SIPA1L1: variants seen among roughly 807,000 people sequenced by gnomAD.
SIPA1L1 encodes the protein signal induced proliferation associated 1 like 1, also known as signal-induced proliferation-associated 1-like protein 1.
A neutral mutation model predicts 162.7 loss-of-function variants in SIPA1L1; 26 were observed. That is an observed-to-expected ratio of 0.16 (90% CI 0.12 to 0.22). The LOEUF is 0.22. SIPA1L1 is among the 10% of genes least tolerant of loss of function. The pLI, the probability that SIPA1L1 is intolerant of heterozygous loss-of-function variation, is 1.00. For missense variants in SIPA1L1, 1,874 were observed against 2,241.0 expected, an observed-to-expected ratio of 0.84 and a Z score of 3.31; for synonymous variants, 829 against 837.4, an observed-to-expected ratio of 0.99 and a Z score of 0.17.
chr14:71,480,129 C>G (rs369434239), intron 2 of SIPA1L1, among the ~76,000 whole-genome samples: 2 of 151,254 alleles, frequency 1.3e-5, no homozygotes, highest in South Asian at 4.2e-4. Flanking sequence ...GTTGCCCAGG[C>G]TGGAGTGCAG....
At chr14:71,378,355 C>T (rs759567026) in intron 2 of SIPA1L1, among the ~76,000 whole-genome samples, 2 of 152,020 alleles carry the variant, frequency 1.3e-5, no homozygotes, top group Non-Finnish European at 2.9e-5. Flanking sequence ...TAAAATAAGA[C>T]ATGTTTTCTA....
intron 3 of SIPA1L1, among the ~76,000 whole-genome samples, chr14:71,519,469 C>A (rs1219369749): frequency 1.3e-5 from 2 of 152,184 alleles, no homozygotes; most frequent in African/African-American, 4.8e-5. Flanking sequence ...AAATACAATT[C>A]TCTAATAAAA....
intron 3 of SIPA1L1, among the ~76,000 whole-genome samples, chr14:71,516,128 T>C (rs1007068224): frequency 3.3e-5 from 5 of 152,214 alleles, no homozygotes; most frequent in African/African-American, 1.2e-4. Context: ...CAGGTCAGCT[T>C]GGCAATGGTG....
intron 5 of SIPA1L1, among the ~76,000 whole-genome samples, chr14:71,609,673 G>A (rs1430682184): frequency 1.3e-5 from 2 of 151,886 alleles, no homozygotes; most frequent in African/African-American, 4.8e-5. Context: ...CACCATGTTG[G>A]CCAGGATGGT....
At chr14:71,407,226 G>A (rs966293362) in intron 2 of SIPA1L1, among the ~76,000 whole-genome samples, 1 of 152,116 alleles carries the variant, frequency 6.6e-6, no homozygotes, top group South Asian at 2.1e-4. Context: ...CACCTTGTAC[G>A]ATTGTGTGTT....
intron 8 of SIPA1L1, among the ~76,000 whole-genome samples, chr14:71,653,610 T>A (rs1486910931): frequency 6.6e-6 from 1 of 152,144 alleles, no homozygotes; most frequent in African/African-American, 2.4e-5. Context: ...TTCTGTATTC[T>A]TTTTTCTCAA....
intron 4 of SIPA1L1, among the ~76,000 whole-genome samples, chr14:71,547,610 T>C (rs1424166939): frequency 6.6e-6 from 1 of 152,082 alleles, no homozygotes; most frequent in African/African-American, 2.4e-5. Flanking sequence ...TAGTTTTGGA[T>C]TGTATTAATT....
intron 4 of SIPA1L1, among the ~76,000 whole-genome samples, chr14:71,546,015 C>G (rs1487810163): frequency 6.6e-6 from 1 of 151,772 alleles, no homozygotes; most frequent in Admixed American, 6.6e-5. Context: ...CCCAGGAGTT[C>G]GAGGCTGCAG....
At chr14:71,602,313 A>G (rs1272062421) in intron 5 of SIPA1L1, among the ~76,000 whole-genome samples, 2 of 151,890 alleles carry the variant, frequency 1.3e-5, no homozygotes, top group Non-Finnish European at 2.9e-5. Flanking sequence ...TTCTTCTTTG[A>G]CCCAGTGGTC....
At chr14:71,719,584 CCCAGGTT>C (rs2083535223) in intron 17 of SIPA1L1, among the ~76,000 whole-genome samples, 1 of 152,182 alleles carries the variant, frequency 6.6e-6, no homozygotes, top group Non-Finnish European at 1.5e-5. Context: ...ACTTCCACCT[CCCAGGTT>C]CAAACAGTTC....
intron 4 of SIPA1L1, among the ~76,000 whole-genome samples, chr14:71,541,773 T>A (rs906090161): frequency 2.0e-5 from 3 of 152,148 alleles, no homozygotes; most frequent in African/African-American, 2.4e-5. Context: ...ACTCTGTCTC[T>A]GACAACAGCA....
intron 2 of SIPA1L1, among the ~76,000 whole-genome samples, chr14:71,361,364 A>G (rs564608304): frequency 2.6e-5 from 4 of 152,210 alleles, no homozygotes; most frequent in African/African-American, 9.6e-5. Flanking sequence ...CTACAAGCTT[A>G]TGGTCTGTAT....
At chr14:71,521,188 A>G (rs2052318765) in intron 3 of SIPA1L1, among the ~76,000 whole-genome samples, 1 of 152,248 alleles carries the variant, frequency 6.6e-6, no homozygotes, top group Non-Finnish European at 1.5e-5. Context: ...GGCTAGGTAC[A>G]TGGCTGACAT....
chr14:71,710,538 T>G (rs2082792410), intron 17 of SIPA1L1, among the ~76,000 whole-genome samples: 1 of 152,200 alleles, frequency 6.6e-6, no homozygotes, highest in South Asian at 2.1e-4. Flanking sequence ...CTGGGCGTGG[T>G]GGCTCACGCC....
chr14:71,465,363 G>A (rs1428917860), intron 2 of SIPA1L1, among the ~76,000 whole-genome samples: 2 of 152,194 alleles, frequency 1.3e-5, no homozygotes, highest in African/African-American at 4.8e-5. Context: ...TGCTTCTGAA[G>A]CCAGGAGACA....
rs1009898494 is a variant in SIPA1L1 at position 71,669,800 on chromosome 14, C to T, written c.2256-1319C>T. Among the ~76,000 whole-genome samples the T allele has an allele frequency of 5.3e-5, 8 of 152,148 alleles. No individual in the cohort carries two copies. In the East Asian group the frequency reaches 1.5e-3, roughly 29 times the overall value. ...ACACTTGTAAAACCAACAGATAGGC[C>T]ATCCCATGGCATCTTCTGAGCATGT... On this transcript the variant is annotated intron_variant, in intron 10 of 23. Transcript: ENST00000381232.
At chr14:71,733,847 A>G (rs1435441942) in intron 21 of SIPA1L1, 35 bp downstream of exon 21, 6 of 1,602,146 alleles carry the variant, frequency 3.7e-6, no homozygotes, top group Non-Finnish European at 5.1e-6. Context: ...ACAGCCCAGG[A>G]TCCTGCAGCG....
At position 71,589,211 on chromosome 14, in the gene SIPA1L1, T is replaced by G; in HGVS notation, c.1339T>G (p.Phe447Val). ...GSFSGCESASFESTLSSHCTN... is the reference protein window; with the variant it reads ...GSFSGCESASVESTLSSHCTN... The stretch of plus-strand genomic sequence containing the variant: ...CTTTAGTGGATGTGAAAGTGCCTCC[T>G]TTGAGTCTACCCTTAGTTCCCATTG... Residue 447 changes from phenylalanine to valine, a missense_variant, in exon 5 of 24, where the codon TTT (phenylalanine) becomes GTT (valine). Physicochemically the swap from Phe to Val is conservative, Grantham distance 50 (BLOSUM62 -1). Around this residue, in one of 5 missense-constraint regions of SIPA1L1, gnomAD observed 685 missense variants for 828.0 expected, o/e 0.83. Coordinates refer to ENST00000381232, the MANE Select transcript of SIPA1L1 (RefSeq NM_001386936.1). 1.2e-6 allele frequency: 2 copies of G among 1,614,112 alleles called. No individual in the cohort carries two copies. Among genetic ancestry groups the G allele is most frequent in the Non-Finnish European group, 1.7e-6 (2 of 1,179,964 alleles).
chr14:71,543,824 T>G (rs918159384), intron 4 of SIPA1L1, among the ~76,000 whole-genome samples: 1 of 150,274 alleles, frequency 6.7e-6, no homozygotes, highest in Non-Finnish European at 1.5e-5. Context: ...TGTATGTGTA[T>G]ATATACATAT....
Sources: gnomAD v4.1 joint callset for allele counts (sites outside exome capture counted in the v4.1 genomes callset) on GRCh38, gnomAD v4.1.1 for gene constraint, gnomAD v4.1.1 regional missense constraint, MANE v1.5 for transcripts, NCBI Gene and HGNC (gene_info 2026-07-23, HGNC 2026-07-21) for gene names.